Variants in NDRG1 observed in about 807,000 individuals in gnomAD.
The protein encoded by NDRG1 is N-myc downstream regulated 1, also known as protein NDRG1.
NDRG1 carries 32 observed loss-of-function variants against 56.9 expected under a neutral mutation model. The observed-to-expected ratio is 0.56, with a 90% CI of 0.42 to 0.76. The LOEUF (loss-of-function observed/expected upper bound fraction) is 0.76. Ranked by LOEUF, NDRG1 falls within the 30% of genes least tolerant of loss-of-function variation. The pLI, the probability that NDRG1 is intolerant of heterozygous loss-of-function variation, is 0.00. For missense variants in NDRG1, 507 were observed against 545.7 expected (o/e 0.93, Z 0.71); for synonymous variants, 211 against 204.1 (o/e 1.03, Z -0.29).
intron 2 of NDRG1, 33 bp downstream of exon 2, chr8:133,284,215 CT>C: frequency 1.2e-6 from 2 of 1,605,334 alleles, no homozygotes; most frequent in Non-Finnish European, 1.7e-6. Flanking sequence ...GCACATGTGC[CT>C]GTGATGGGGT....
chr8:133,292,727 G>A (rs1265823466), intron 1 of NDRG1, among the ~76,000 whole-genome samples: 2 of 152,116 alleles, frequency 1.3e-5, no homozygotes, highest in Admixed American at 6.5e-5. Flanking sequence ...TGGAGACCTG[G>A]GCCCCCACCC....
Position 133,262,041 on chromosome 8 carries a change from T to C in NDRG1, c.326+6A>G. The C allele has an allele frequency of 6.2e-7, 1 of 1,609,718 alleles. No individual in the cohort carries two copies. ...TGTAGAGCTCATAGGGCAAGAGGCC[T>C]CTCACCCTGCGGGGAAGGAGGCTGC... On this transcript the variant is annotated splice_donor_region_variant and intron_variant, in intron 5 of 15. Transcript: ENST00000323851.
At chr8:133,240,818 C>T (rs949839846) in intron 15 of NDRG1, 1 of 152,322 alleles carries the variant, frequency 6.6e-6, no homozygotes, top group Non-Finnish European at 1.5e-5. Context: ...CAAATGGGAG[C>T]CACAATTCAC....
chr8:133,284,313 T>C lies in NDRG1; in HGVS notation c.-2A>G. On this transcript the variant is annotated 5_prime_UTR_variant, in exon 2 of 16. Transcript: ENST00000323851. ...TACATCCTGCATCTCCCGAGACATG[T>C]CCCTGCTGTCACCTGCCTGCAAGGA... 6.2e-7 allele frequency: 1 copy of C among 1,614,084 alleles called. No homozygotes were observed. Among genetic ancestry groups the C allele is most frequent in the Middle Eastern group, 1.6e-4 (1 of 6,062 alleles).
At chr8:133,290,987 A>G (rs777536473) in intron 1 of NDRG1, among the ~76,000 whole-genome samples, 3 of 152,214 alleles carry the variant, frequency 2.0e-5, no homozygotes, top group Non-Finnish European at 2.9e-5. Context: ...CCACATGTCT[A>G]GATTCCTCCC....
At position 133,238,634 on chromosome 8, in the gene NDRG1, T is replaced by G; in HGVS notation, c.*244A>C. The G allele has an allele frequency of 1.7e-6, 1 of 576,824 alleles. No homozygotes were observed. Among genetic ancestry groups the G allele is most frequent in the South Asian group, 2.3e-5 (1 of 43,312 alleles). The allele number at this position is 576,824 out of a possible 1,614,324, so 35.7% of individuals were successfully genotyped here. On this transcript the variant is annotated 3_prime_UTR_variant, in exon 16 of 16. Transcript: ENST00000323851. ...GAGGAGAGTGGCAACCGGCCACTGG[T>G]TAATGGAAGAGGATGCGATGCGGAG...
chr8:133,280,931 C>T (rs1857761529), intron 2 of NDRG1: 1 of 152,404 alleles, frequency 6.6e-6, no homozygotes, highest in South Asian at 2.1e-4. Context: ...TTTTAAAACT[C>T]AAACCTGACC....
chr8:133,259,047 C>T, intron 6 of NDRG1, 121 bp downstream of exon 6: 4 of 985,982 alleles, frequency 4.1e-6, no homozygotes, highest in African/African-American at 1.6e-5. Flanking sequence ...TAATTTCTTG[C>T]CTCATCTCTA....
chr8:133,262,031 G>A lies in NDRG1; in HGVS notation c.326+16C>T. The A allele has an allele frequency of 1.9e-6, 3 of 1,605,890 alleles. No homozygotes were observed. Among genetic ancestry groups the A allele is most frequent in the Non-Finnish European group, 2.6e-6 (3 of 1,175,784 alleles). On this transcript the variant is annotated intron_variant, in intron 5 of 15. Transcript: ENST00000323851. ...GTTTCCACCCTGTAGAGCTCATAGG[G>A]CAAGAGGCCTCTCACCCTGCGGGGA...
intron 5 of NDRG1, chr8:133,259,589 C>T (rs1174149229): frequency 1.6e-5 from 6 of 379,392 alleles, no homozygotes; most frequent in Admixed American, 3.7e-5. Flanking sequence ...AGAAACATGT[C>T]CTCACTGTGT....
intron 11 of NDRG1, 22 bp downstream of exon 11, chr8:133,248,693 G>C: frequency 6.2e-7 from 1 of 1,614,026 alleles, no homozygotes. Context: ...TGCAAGTGCT[G>C]GGGGAGAGAA....
rs926781207 is a variant in NDRG1 at position 133,238,787 on chromosome 8, C to T, written c.*91G>A. ...AGCTTTGGATTAATACCGAGTTAGGCGCAGTATGGCAGGCAGGGGGCGAAA... is the reference window on the plus strand; with the variant it reads ...AGCTTTGGATTAATACCGAGTTAGGTGCAGTATGGCAGGCAGGGGGCGAAA... On this transcript the variant is annotated 3_prime_UTR_variant, in exon 16 of 16. Transcript: ENST00000323851. The T allele has an allele frequency of 1.9e-5, 27 of 1,389,570 alleles. 1 individual carries two copies. The South Asian group carries it at 2.3e-4, about 12-fold the overall frequency. 86.1% of individuals were successfully genotyped at this position (1,389,570 alleles called of 1,614,324 possible). A position where few individuals can be genotyped will look rare whatever the true frequency, so the allele number is the denominator to read the frequency against.
chr8:133,292,512 G>C (rs1858487232), intron 1 of NDRG1, among the ~76,000 whole-genome samples: 1 of 152,108 alleles, frequency 6.6e-6, no homozygotes, highest in Non-Finnish European at 1.5e-5. Flanking sequence ...CTCCAGCAGA[G>C]GACAGCCAAG....
Position 133,244,630 on chromosome 8 carries a change from C to T in NDRG1, c.856-240G>A, listed in dbSNP as rs1855567452. 4 of 606,736 alleles carry T rather than the reference C, an allele frequency of 6.6e-6. No homozygotes were observed. In the East Asian group the frequency reaches 1.1e-4, roughly 17 times the overall value. 37.6% of individuals were successfully genotyped at this position (606,736 alleles called of 1,614,324 possible). Reference sequence around the variant, plus strand: ...GCTACGTGCCAGGCACTATGCTAGGCCCTACAGATAATTTCACTCCATTCC... The same window carrying T: ...GCTACGTGCCAGGCACTATGCTAGGTCCTACAGATAATTTCACTCCATTCC... On this transcript the variant is annotated intron_variant, in intron 13 of 15. Coordinates refer to ENST00000323851, the MANE Select transcript of NDRG1 (RefSeq NM_006096.4).
At chr8:133,239,324 C>T (rs1275053873) in intron 15 of NDRG1, 28 of 780,984 alleles carry the variant, frequency 3.6e-5, no homozygotes, top group Non-Finnish European at 5.3e-5. Context: ...AAGGAACTGC[C>T]GCAATCACAC....
At chr8:133,282,974 A>G (rs1485654166) in intron 2 of NDRG1, among the ~76,000 whole-genome samples, 2 of 152,198 alleles carry the variant, frequency 1.3e-5, no homozygotes, top group Admixed American at 1.3e-4. Context: ...TAAATCTGCA[A>G]AAGGGGAAAA....
intron 3 of NDRG1, among the ~76,000 whole-genome samples, chr8:133,270,644 TA>T (rs1289091419): frequency 9.2e-5 from 14 of 152,188 alleles, no homozygotes; most frequent in African/African-American, 3.4e-4. Flanking sequence ...GTGGCTATCC[TA>T]CCAATCTGAG....
At chr8:133,268,909 AAC>A (rs987636058) in intron 3 of NDRG1, among the ~76,000 whole-genome samples, 7 of 151,968 alleles carry the variant, frequency 4.6e-5, no homozygotes, top group African/African-American at 1.2e-4. Flanking sequence ...CCCACCAACA[AAC>A]ACACGTGCAC....
chr8:133,290,166 T>C lies in NDRG1; in HGVS notation c.-18-5837A>G, dbSNP rs144198894. ...AGCTCTGCCACCCACCTGCACACCC[T>C]CTTGAGCAAACTCTCCTGGGCCCCG... On this transcript the variant is annotated intron_variant, in intron 1 of 15. Coordinates refer to ENST00000323851, the MANE Select transcript of NDRG1 (RefSeq NM_006096.4). Among the ~76,000 whole-genome samples, 685 of 152,112 alleles carry C rather than the reference T, an allele frequency of 4.5e-3. 3 individuals carry two copies. Among genetic ancestry groups the C allele is most frequent in the African/African-American group, 0.016 (648 of 41,482 alleles).
Sources: allele counts gnomAD v4.1 joint callset (sites outside exome capture counted in the v4.1 genomes callset), GRCh38; gene constraint gnomAD v4.1.1; transcripts MANE v1.5; gene names NCBI Gene and HGNC (gene_info 2026-07-23, HGNC 2026-07-21).